The following TCF20 variants were observed in gnomAD, a reference collection of about 807,000 sequenced individuals.
TCF20 encodes the protein SPRE-binding protein.
Under a neutral mutation model 148.6 loss-of-function variants are expected in TCF20, and 3 were observed. The observed-to-expected ratio is 0.02, with a 90% CI of 0.01 to 0.05. The LOEUF (loss-of-function observed/expected upper bound fraction) is 0.05, where lower values mean the gene tolerates loss of function less well. Ranked by LOEUF, TCF20 falls within the 10% of genes least tolerant of loss-of-function variation. The probability of loss-of-function intolerance (pLI) is 1.00; values close to 1 mark genes in which losing one functional copy is unlikely to be tolerated. For missense variants in TCF20, 2,350 were observed against 2,429.3 expected (o/e 0.97, Z 0.69); for synonymous variants, 1,049 against 909.5 (o/e 1.15, Z -2.76).
At chr22:42,197,649 CTAA>C (rs1937671012) in intron 2 of TCF20, among the ~76,000 whole-genome samples, 1 of 152,152 alleles carries the variant, frequency 6.6e-6, no homozygotes, top group Admixed American at 6.6e-5. Context: ...AAGAGCTCTA[CTAA>C]TGCCTAATTT....
chr22:42,279,924 G>T lies in TCF20; in HGVS notation c.-37+3903C>A, dbSNP rs1926864453. ...CCAGGTGCTCCTCACAGGTGATGGG[G>T]TGTGTTGTCTATGGGGCTCTTGTGC... On this transcript the variant is annotated intron_variant, in intron 1 of 5. Coordinates refer to the TCF20 transcript ENST00000359486. The surrounding 1 kb of genome is among the most constrained non-coding windows in gnomAD (Gnocchi z 4.3). Among the ~76,000 whole-genome samples the T allele has an allele frequency of 6.6e-6, 1 of 151,562 alleles. No individual in the cohort carries two copies.
intron 2 of TCF20, among the ~76,000 whole-genome samples, chr22:42,203,694 G>A (rs1938195730): frequency 6.6e-6 from 1 of 152,226 alleles, no homozygotes; most frequent in Admixed American, 6.5e-5. Flanking sequence ...CCTAGAGAGT[G>A]AGAAATGAAG....
intron 1 of TCF20, among the ~76,000 whole-genome samples, chr22:42,225,962 T>C (rs574549672): frequency 6.6e-6 from 1 of 152,334 alleles, no homozygotes; most frequent in East Asian, 1.9e-4. Context: ...TAGGCATAAT[T>C]TCAAACAGCC....
chr22:42,253,914 T>C (rs559009006), intron 1 of TCF20, among the ~76,000 whole-genome samples: 3 of 151,904 alleles, frequency 2.0e-5, no homozygotes, highest in African/African-American at 7.2e-5. Context: ...CTGTCTCTAC[T>C]AAAAATACAA....
chr22:42,306,079 C>T (rs935981243), intron 1 of TCF20, among the ~76,000 whole-genome samples: 1 of 152,234 alleles, frequency 6.6e-6, no homozygotes, highest in African/African-American at 2.4e-5. Flanking sequence ...CCTGCCTCTG[C>T]GAGGGGGCAC....
chr22:42,164,765 AG>A (rs1266856574), intron 5 of TCF20, among the ~76,000 whole-genome samples: 6 of 152,226 alleles, frequency 3.9e-5, no homozygotes, highest in African/African-American at 1.4e-4. Flanking sequence ...GGCTTCTCTG[AG>A]GAAGTAGGAT....
intron 1 of TCF20, among the ~76,000 whole-genome samples, chr22:42,231,928 CAAAAA>C (rs55642530): frequency 4.1e-5 from 5 of 123,266 alleles, no homozygotes; most frequent in African/African-American, 6.3e-5. Flanking sequence ...GACTCCGTCT[CAAAAA>C]AAAAAAAAAA....
chr22:42,204,659 A>G (rs1938268615), intron 2 of TCF20, among the ~76,000 whole-genome samples: 1 of 152,132 alleles, frequency 6.6e-6, no homozygotes, highest in Admixed American at 6.5e-5. Context: ...AGCCTGGCCA[A>G]CATGGTGAAA....
chr22:42,211,943 C>T lies in TCF20; in HGVS notation c.3363G>A (p.Lys1121=). The T allele has an allele frequency of 6.2e-7, 1 of 1,614,232 alleles. No homozygotes were observed. The highest frequency in any genetic ancestry group is 1.7e-5 in the Admixed American group (1 of 60,030). The change falls in exon 2 of 6, where the codon AAG becomes AAA. Residue 1121 remains lysine (K), a synonymous_variant. Coordinates refer to ENST00000677622, the MANE Select transcript of TCF20 (RefSeq NM_001378418.1). ...CAAGAAACTGCTGCTGCCTTGGACT[C>T]TTCCGTGGCCCCTCCTGCCTGTGCT... ...AAQHRQEGPR[K]SPRQQQFLDR... is the part of the protein sequence containing the mutation.
At chr22:42,341,468 C>G (rs965617906) in intron 1 of TCF20, among the ~76,000 whole-genome samples, 27 of 152,168 alleles carry the variant, frequency 1.8e-4, no homozygotes, top group African/African-American at 6.0e-4. Context: ...ACCGTCCCAG[C>G]GAATCCAGGT....
Position 42,292,062 on chromosome 22 carries a change from A to G in TCF20, c.-37+51417T>C, listed in dbSNP as rs1176745648. ...GGGTAAAAGCAGGCACCTCTCACAC[A>G]CCACCCCTCGTATGAGACCCGTGAG... On this transcript the variant is annotated intron_variant, in intron 1 of 1. Coordinates refer to the TCF20 transcript ENST00000515426. This position sits in a 1 kb window ranked among gnomAD's most constrained non-coding sequence, Gnocchi z 4.9. Among the ~76,000 whole-genome samples the G allele has an allele frequency of 6.6e-6, 1 of 151,964 alleles. No individual in the cohort carries two copies. Among genetic ancestry groups the G allele is most frequent in the Non-Finnish European group, 1.5e-5 (1 of 67,986 alleles).
rs759118027 is a variant in TCF20, at chr22:42,216,079, C to CTTTTT, written c.-36-743_-36-739dup. On this transcript the variant is annotated intron_variant, in intron 1 of 5. Coordinates refer to ENST00000677622, the MANE Select transcript of TCF20 (RefSeq NM_001378418.1). ...GGTGTGGGGTAAGAAAAACCAAATC[C>CTTTTT]TTTTTTTTTTTTTTTTTTTTTTTTT... Among the ~76,000 whole-genome samples the CTTTTT allele has an allele frequency of 7.3e-3, 369 of 50,550 alleles. 81 individuals are homozygous for CTTTTT. The highest frequency in any genetic ancestry group is 0.018 in the African/African-American group (213 of 11,826). 33.2% of individuals were successfully genotyped at this position (50,550 alleles called of 152,430 possible).
chr22:42,214,518 C>G lies in TCF20; in HGVS notation c.788G>C (p.Ser263Thr), dbSNP rs1921474733. The change falls in exon 2 of 6, where the codon AGT becomes ACT. Residue 263 changes from serine to threonine, a missense_variant. By Grantham distance (58) the Ser-to-Thr change is moderately conservative. Coordinates refer to ENST00000677622, the MANE Select transcript of TCF20 (RefSeq NM_001378418.1). ...CTGAGATCCAGCATTCACATTGTAA[C>G]TGCCATCATAGCTCTGTCCAGACTG... is the stretch of plus-strand genomic sequence containing the variant. ...FSQSGQSYDG[S>T]YNVNAGSQYE... The G allele has an allele frequency of 6.2e-7, 1 of 1,614,200 alleles. No individual in the cohort carries two copies. Among genetic ancestry groups the G allele is most frequent in the Non-Finnish European group, 8.5e-7 (1 of 1,180,050 alleles).
At chr22:42,222,497 T>C (rs900670307) in intron 1 of TCF20, among the ~76,000 whole-genome samples, 8 of 151,696 alleles carry the variant, frequency 5.3e-5, no homozygotes, top group Non-Finnish European at 1.2e-4. Context: ...CACCCCCCCA[T>C]AGGCCCTGAA....
At chr22:42,164,188 T>A (rs980380669) in intron 5 of TCF20, among the ~76,000 whole-genome samples, 3 of 151,506 alleles carry the variant, frequency 2.0e-5, no homozygotes, top group African/African-American at 7.3e-5. Flanking sequence ...AGCCCTTTTT[T>A]CCCTGGGATG....
intron 2 of TCF20, among the ~76,000 whole-genome samples, chr22:42,190,070 T>C (rs1459947920): frequency 6.6e-6 from 1 of 152,098 alleles, no homozygotes; most frequent in East Asian, 1.9e-4. Context: ...TAAGTCTTGA[T>C]TTTCTCAACA....
chr22:42,189,719 G>T (rs965749941), intron 2 of TCF20, among the ~76,000 whole-genome samples: 3 of 152,012 alleles, frequency 2.0e-5, no homozygotes, highest in African/African-American at 7.2e-5. Flanking sequence ...CTTTTTTTCC[G>T]TATCATTTTA....
chr22:42,331,172 G>A (rs1341068898), intron 1 of TCF20, among the ~76,000 whole-genome samples: 4 of 152,296 alleles, frequency 2.6e-5, no homozygotes, highest in South Asian at 2.1e-4. Context: ...TCCCGGCAGC[G>A]CCGCGGAGCG....
chr22:42,241,179 C>G, intron 1 of TCF20, among the ~76,000 whole-genome samples: 1 of 152,106 alleles, frequency 6.6e-6, no homozygotes, highest in Admixed American at 6.6e-5. Context: ...TTAAAATGAT[C>G]CTCGTTGGCT....
Sources: gnomAD v4.1 joint callset for allele counts (sites outside exome capture counted in the v4.1 genomes callset) on GRCh38, gnomAD v4.1.1 for gene constraint, Gnocchi (gnomAD v3.1) non-coding constraint, MANE v1.5 for transcripts, NCBI Gene and HGNC (gene_info 2026-07-23, HGNC 2026-07-21) for gene names.